NIPAL3: variants seen among roughly 807,000 people sequenced by gnomAD.
NIPAL3 encodes NIPA like domain containing 3.
Under a neutral mutation model 47.2 loss-of-function variants are expected in NIPAL3, and 41 were observed. The ratio of observed to expected loss-of-function variants is 0.87; its 90% CI spans 0.68 to 1.13. The LOEUF is 1.13. NIPAL3 is among the 50% of genes most tolerant of loss of function. The pLI is 0.00. For synonymous variants in NIPAL3, 194 were observed against 209.6 expected (o/e 0.93, Z 0.64); for missense variants, 449 against 530.1 (o/e 0.85, Z 1.50).
chr1:24,468,395 AG>A (rs1182742947), intron 11 of NIPAL3, among the ~76,000 whole-genome samples: 2 of 152,246 alleles, frequency 1.3e-5, no homozygotes, highest in East Asian at 3.8e-4. Context: ...ACAAAGGTAA[AG>A]GAATTAAAGA....
At chr1:24,418,451 G>A (rs1028443708) in intron 1 of NIPAL3, among the ~76,000 whole-genome samples, 3 of 152,010 alleles carry the variant, frequency 2.0e-5, no homozygotes, top group Non-Finnish European at 1.5e-5. Context: ...ATAACATGGC[G>A]AAACCCTGTC....
intron 11 of NIPAL3, among the ~76,000 whole-genome samples, chr1:24,468,532 C>T (rs1024971329): frequency 2.0e-5 from 3 of 152,124 alleles, no homozygotes; most frequent in Non-Finnish European, 2.9e-5. Context: ...CAAGATGCTC[C>T]CTCTGGCATC....
At chr1:24,432,990 T>C (rs961588527) in intron 2 of NIPAL3, 10 of 152,214 alleles carry the variant, frequency 6.6e-5, no homozygotes, top group Non-Finnish European at 1.2e-4. Context: ...CTAATATTTA[T>C]TGAAGGCTCT....
chr1:24,418,923 T>G (rs1278220260), intron 1 of NIPAL3, among the ~76,000 whole-genome samples: 2 of 150,656 alleles, frequency 1.3e-5, no homozygotes, highest in Admixed American at 6.6e-5. Flanking sequence ...TGGAATTGTT[T>G]TTTTTTTTTT....
At position 24,469,054 on chromosome 1, in the gene NIPAL3, G is replaced by T; in HGVS notation, c.1090G>T (p.Ala364Ser). 1 of 1,614,080 alleles carries T rather than the reference G, an allele frequency of 6.2e-7. No homozygotes were observed. Residue 364 changes from alanine to serine, a missense_variant, in exon 12 of 12, where the codon GCT becomes TCT. By Grantham distance (99) the Ala-to-Ser change is moderately conservative. Transcript: ENST00000374399. ...ACTTAAAGCTTCTTTTTCCTATGGG[G>T]CTCTGGAAAACAATGACAACATTTC... ...PELKASFSYG[A>S]LENNDNISEI...
intron 2 of NIPAL3, among the ~76,000 whole-genome samples, chr1:24,422,415 TAG>T (rs1323873223): frequency 6.6e-6 from 1 of 151,974 alleles, no homozygotes; most frequent in African/African-American, 2.4e-5. Context: ...AATGAAGAGG[TAG>T]AGTTCATAGA....
rs111772175 is a variant in NIPAL3 at position 24,449,056 on chromosome 1, G to C, written c.395-425G>C. Among the ~76,000 whole-genome samples the C allele has an allele frequency of 2.0e-5, 3 of 152,162 alleles. No individual in the cohort carries two copies. Among genetic ancestry groups the C allele is most frequent in the African/African-American group, 7.2e-5 (3 of 41,434 alleles). On this transcript the variant is annotated intron_variant, in intron 5 of 11. Transcript: ENST00000374399. This position sits in a 1 kb window ranked among gnomAD's most constrained non-coding sequence, Gnocchi z 4.5. ...AGTCAAAAGAGATCACACCGTATGG[G>C]TCCATTTGTATAAAGCACAAAGCTA...
At position 24,464,048 on chromosome 1, in the gene NIPAL3, G is replaced by T; in HGVS notation, c.949G>T (p.Val317Phe). 1 of 1,611,782 alleles carries T rather than the reference G, an allele frequency of 6.2e-7. No individual in the cohort carries two copies. Among genetic ancestry groups the T allele is most frequent in the Middle Eastern group, 1.7e-4 (1 of 6,052 alleles). The change falls in exon 11 of 12, where the codon GTC (valine) becomes TTC (phenylalanine). Residue 317 changes from valine to phenylalanine, a missense_variant. Val to Phe is a conservative substitution (Grantham distance 50, BLOSUM62 -1). Coordinates refer to ENST00000374399, the MANE Select transcript of NIPAL3 (RefSeq NM_020448.5). ...CAGGTGCCTCATTGCATTCTTGGGC[G>T]TCTTCTTAATCACGCGTAACAGGAA... ...ALGCLIAFLG[V>F]FLITRNRKKP...
At position 24,445,346 on chromosome 1, in the gene NIPAL3, G is replaced by A. The variant is rs1262679892; in HGVS notation, c.394+102G>A. On this transcript the variant is annotated intron_variant, in intron 5 of 11. Transcript: ENST00000374399. ...ATTCAGAGGTTATCTGCCTCCTGCT[G>A]TCCTCTGTGGTTCTATGTTCTGCCC... 4 of 793,114 alleles carry A rather than the reference G, an allele frequency of 5.0e-6. No individual in the cohort carries two copies. The African/African-American group carries it at 5.2e-5, about 10-fold the overall frequency. The allele number at this position is 793,114 out of a possible 1,614,324, so 49.1% of individuals were successfully genotyped here. A position where few individuals can be genotyped will look rare whatever the true frequency, so the allele number is the denominator to read the frequency against.
At position 24,469,905 on chromosome 1, in the gene NIPAL3, G is replaced by C. The variant is rs1046079761; in HGVS notation, c.*720G>C. 1.3e-5 allele frequency: 2 copies of C among 152,210 alleles called. No homozygotes were observed. The highest frequency in any genetic ancestry group is 1.5e-5 in the Non-Finnish European group (1 of 68,044). The allele number at this position is 152,210 out of a possible 1,614,324, so 9.4% of individuals were successfully genotyped here. On this transcript the variant is annotated 3_prime_UTR_variant, in exon 12 of 12. Transcript: ENST00000374399. The stretch of plus-strand genomic sequence containing the variant: ...TTAAGAGAAGGGGAAGAATATGGAG[G>C]ATAGGAGAGGGTGATGATGCTTTAG...
rs1476822181 is a variant in NIPAL3, at chr1:24,456,150, T to C, written c.650T>C (p.Val217Ala). The C allele has an allele frequency of 5.6e-6, 9 of 1,614,086 alleles. 1 individual carries two copies. The Admixed American group carries it at 1.5e-4, about 27-fold the overall frequency. ...LLVALLGSMT[V>A]VTVKAVAGML... is the part of the protein sequence containing the mutation. ...CTCCCATCTGCAGGCTCCATGACAG[T>C]GGTGACAGTCAAGGCCGTGGCTGGG... Residue 217 changes from valine to alanine, a missense_variant, in exon 8 of 12, where the codon GTG (valine) becomes GCG (alanine). Physicochemically the swap from Val to Ala is moderately conservative, Grantham distance 64 (BLOSUM62 0). Coordinates refer to ENST00000374399, the MANE Select transcript of NIPAL3 (RefSeq NM_020448.5).
chr1:24,421,659 A>G (rs1027416637), intron 2 of NIPAL3, among the ~76,000 whole-genome samples: 1 of 152,200 alleles, frequency 6.6e-6, no homozygotes, highest in Non-Finnish European at 1.5e-5. Flanking sequence ...ACTACACAGT[A>G]GGTCCAGGTT....
At chr1:24,418,899 C>T (rs1644182302) in intron 1 of NIPAL3, among the ~76,000 whole-genome samples, 1 of 151,126 alleles carries the variant, frequency 6.6e-6, no homozygotes, top group Non-Finnish European at 1.5e-5. Flanking sequence ...TAAATAGTTC[C>T]CTTTTCGTGG....
At chr1:24,421,787 C>G (rs1644344790) in intron 2 of NIPAL3, 1 of 152,232 alleles carries the variant, frequency 6.6e-6, no homozygotes, top group African/African-American at 2.4e-5. Context: ...CAAGTGCTAG[C>G]TGTTACCATC....
intron 5 of NIPAL3, among the ~76,000 whole-genome samples, chr1:24,447,621 C>A (rs1645732790): frequency 6.6e-6 from 1 of 152,148 alleles, no homozygotes; most frequent in South Asian, 2.1e-4. Flanking sequence ...CCAAGAAGAC[C>A]AAATGACAGA....
At chr1:24,444,804 T>G (rs1300238008) in intron 4 of NIPAL3, among the ~76,000 whole-genome samples, 1 of 152,036 alleles carries the variant, frequency 6.6e-6, no homozygotes, top group East Asian at 1.9e-4. Context: ...GGTTCAAGTC[T>G]TGCCTTCCCC....
intron 10 of NIPAL3, 135 bp downstream of exon 10, chr1:24,460,679 C>A: frequency 1.5e-6 from 1 of 648,112 alleles, no homozygotes; most frequent in Non-Finnish European, 2.5e-6. Flanking sequence ...GGAGCTTTGT[C>A]CCCAGAGGTG....
chr1:24,446,775 G>C (rs1645690907), intron 5 of NIPAL3, among the ~76,000 whole-genome samples: 1 of 152,098 alleles, frequency 6.6e-6, no homozygotes. Flanking sequence ...ATGTTCCTTT[G>C]GGTATATACC....
In NIPAL3 at chr1:24,451,731, T is replaced by C. The variant is rs1169233463; in HGVS notation, c.541-1677T>C. ...AAAAAGAAAAAGAAAAAAAAAATCATGGAGAATGGCTGAAGAATTGGGACC... is the reference window on the plus strand; with the variant it reads ...AAAAAGAAAAAGAAAAAAAAAATCACGGAGAATGGCTGAAGAATTGGGACC... On this transcript the variant is annotated intron_variant, in intron 6 of 11. Coordinates refer to ENST00000374399, the MANE Select transcript of NIPAL3 (RefSeq NM_020448.5). The surrounding 1 kb of genome is among the most constrained non-coding windows in gnomAD (Gnocchi z 4.5). Among the ~76,000 whole-genome samples the C allele has an allele frequency of 6.6e-6, 1 of 151,600 alleles. No homozygotes were observed. The highest frequency in any genetic ancestry group is 2.4e-5 in the African/African-American group (1 of 41,244).
Sources: allele counts gnomAD v4.1 joint callset (sites outside exome capture counted in the v4.1 genomes callset), GRCh38; gene constraint gnomAD v4.1.1; non-coding constraint Gnocchi (gnomAD v3.1); transcripts MANE v1.5; gene names NCBI Gene and HGNC (gene_info 2026-07-23, HGNC 2026-07-21).